The following PLXNA4 variants were observed in gnomAD, a reference collection of about 807,000 sequenced individuals.
PLXNA4 encodes plexin-A4.
PLXNA4 carries 44 observed loss-of-function variants against 191.8 expected under a neutral mutation model. That is an observed-to-expected ratio of 0.23 (90% CI 0.18 to 0.29). The LOEUF (loss-of-function observed/expected upper bound fraction) is 0.29. PLXNA4 is among the 10% of genes least tolerant of loss of function. PLXNA4 has a pLI of 1.00. For missense variants in PLXNA4, 1,800 were observed against 2,488.8 expected (o/e 0.72, Z 5.89); for synonymous variants, 1,082 against 1,009.5 (o/e 1.07, Z -1.36).
Position 132,239,605 on chromosome 7 carries a change from G to C in PLXNA4, c.1604+1461C>G, listed in dbSNP as rs576850177. Among the ~76,000 whole-genome samples, 79 of 152,298 alleles carry C rather than the reference G, an allele frequency of 5.2e-4. 4 individuals are homozygous for C. In the South Asian group the frequency reaches 0.016, roughly 31 times the overall value. The stretch of plus-strand genomic sequence containing the variant: ...CAGAGGCCTCACTGGGTGACACAAA[G>C]AAAACTGCCCCCTGTCTGCCTGGCA... On this transcript the variant is annotated intron_variant, in intron 5 of 31. Coordinates refer to ENST00000321063, the MANE Select transcript of PLXNA4 (RefSeq NM_020911.2).
At chr7:132,336,640 C>A (rs904341252) in intron 3 of PLXNA4, among the ~76,000 whole-genome samples, 4 of 152,164 alleles carry the variant, frequency 2.6e-5, no homozygotes, top group African/African-American at 4.8e-5. Flanking sequence ...GCCACCACCA[C>A]CCCCCACTCT....
intron 1 of PLXNA4, among the ~76,000 whole-genome samples, chr7:132,524,466 CAAGTCATA>C (rs757996521): frequency 6.6e-6 from 1 of 152,200 alleles, no homozygotes; most frequent in Non-Finnish European, 1.5e-5. Context: ...TCTCTTCTCT[CAAGTCATA>C]AAGAGTGCCC....
chr7:132,428,663 C>T (rs1386972319), intron 3 of PLXNA4, among the ~76,000 whole-genome samples: 1 of 151,950 alleles, frequency 6.6e-6, no homozygotes, highest in Non-Finnish European at 1.5e-5. Context: ...TCCCCTCTGT[C>T]CCGGTCCTTG....
chr7:132,582,474 A>G (rs756522801), intron 2 of PLXNA4, among the ~76,000 whole-genome samples: 3 of 152,236 alleles, frequency 2.0e-5, no homozygotes, highest in Non-Finnish European at 4.4e-5. Context: ...AGCTGACTTA[A>G]GTGACCATGA....
At chr7:132,450,076 G>A (rs1796064151) in intron 3 of PLXNA4, among the ~76,000 whole-genome samples, 1 of 152,190 alleles carries the variant, frequency 6.6e-6, no homozygotes, top group Admixed American at 6.5e-5. Context: ...CAGGAAGGAA[G>A]ATGACTGCTC....
chr7:132,621,259 G>GTTTTTTTTTTTTTTTTTTTTTTTT (rs1563196994), intron 2 of PLXNA4, among the ~76,000 whole-genome samples: 3 of 78,844 alleles, frequency 3.8e-5, no homozygotes, highest in African/African-American at 1.1e-4. Flanking sequence ...TTTTTTTTTT[G>GTTTTTTTTTTTTTTTTTTTTTTTT]GTTTTTTTGT....
chr7:132,296,161 G>T (rs1801071142), intron 4 of PLXNA4, among the ~76,000 whole-genome samples: 1 of 152,152 alleles, frequency 6.6e-6, no homozygotes, highest in Non-Finnish European at 1.5e-5. Context: ...TCTGTGTGGA[G>T]CAGCCCTGGA....
intron 1 of PLXNA4, among the ~76,000 whole-genome samples, chr7:132,575,459 A>C (rs1408401108): frequency 6.6e-6 from 1 of 152,122 alleles, no homozygotes; most frequent in Non-Finnish European, 1.5e-5. Flanking sequence ...TTGGAGGACT[A>C]TATCCCTCGT....
At chr7:132,515,601 G>A (rs1413439112) in intron 1 of PLXNA4, among the ~76,000 whole-genome samples, 5 of 152,108 alleles carry the variant, frequency 3.3e-5, no homozygotes, top group African/African-American at 9.7e-5. Flanking sequence ...TACAGATAGC[G>A]AGGCACAATC....
At chr7:132,380,790 C>G (rs922802695) in intron 3 of PLXNA4, among the ~76,000 whole-genome samples, 2 of 152,228 alleles carry the variant, frequency 1.3e-5, no homozygotes, top group African/African-American at 4.8e-5. Context: ...GTCCCCAAAA[C>G]AGAGCACCTG....
chr7:132,590,711 T>C (rs1439926196), intron 2 of PLXNA4, among the ~76,000 whole-genome samples: 3 of 152,186 alleles, frequency 2.0e-5, no homozygotes, highest in Non-Finnish European at 4.4e-5. Flanking sequence ...GGGTGGGTTG[T>C]GCCTCTCCTA....
intron 1 of PLXNA4, among the ~76,000 whole-genome samples, chr7:132,525,135 C>T (rs1585273838): frequency 6.6e-6 from 1 of 152,162 alleles, no homozygotes; most frequent in Admixed American, 6.5e-5. Flanking sequence ...TTTAACTATC[C>T]TAGGTATCTC....
At chr7:132,565,215 C>T (rs1801666693) in intron 1 of PLXNA4, among the ~76,000 whole-genome samples, 1 of 152,214 alleles carries the variant, frequency 6.6e-6, no homozygotes, top group Non-Finnish European at 1.5e-5. Flanking sequence ...CGCGAAACAG[C>T]AAGGGCTTAT....
chr7:132,188,720 G>A (rs1261440421), intron 14 of PLXNA4, among the ~76,000 whole-genome samples: 2 of 152,054 alleles, frequency 1.3e-5, no homozygotes, highest in Non-Finnish European at 2.9e-5. Flanking sequence ...CAGAGACCAG[G>A]AAGAGGGTGG....
At chr7:132,392,318 G>A (rs1204933641) in intron 3 of PLXNA4, among the ~76,000 whole-genome samples, 1 of 152,108 alleles carries the variant, frequency 6.6e-6, no homozygotes. Flanking sequence ...AGGAATGGAA[G>A]GGCATCATGG....
chr7:132,421,421 T>G (rs938877593), intron 3 of PLXNA4, among the ~76,000 whole-genome samples: 1 of 152,186 alleles, frequency 6.6e-6, no homozygotes, highest in African/African-American at 2.4e-5. Flanking sequence ...TGGATCTCAC[T>G]CCATCTTCTT....
intron 1 of PLXNA4, among the ~76,000 whole-genome samples, chr7:132,565,755 T>C (rs1323100960): frequency 6.6e-6 from 1 of 152,072 alleles, no homozygotes; most frequent in East Asian, 1.9e-4. Context: ...GATTCCTTTT[T>C]TTGAAAAAAG....
chr7:132,191,912 T>C (rs1797104003), intron 14 of PLXNA4, among the ~76,000 whole-genome samples: 1 of 152,096 alleles, frequency 6.6e-6, no homozygotes, highest in Non-Finnish European at 1.5e-5. Flanking sequence ...TCTTAATGTC[T>C]ATTGGGTTCA....
At chr7:132,416,096 G>A (rs1033712393) in intron 3 of PLXNA4, among the ~76,000 whole-genome samples, 16 of 152,190 alleles carry the variant, frequency 1.1e-4, no homozygotes, top group African/African-American at 3.4e-4. Flanking sequence ...GTGGCCACCA[G>A]AATGACTAGT....
Sources: gnomAD v4.1 joint callset for allele counts (sites outside exome capture counted in the v4.1 genomes callset) on GRCh38, gnomAD v4.1.1 for gene constraint, MANE v1.5 for transcripts, NCBI Gene and HGNC (gene_info 2026-07-23, HGNC 2026-07-21) for gene names.